Variants in MMP16 observed in about 807,000 individuals in gnomAD.
MMP16 encodes matrix metallopeptidase 16, also known as matrix metalloproteinase-16.
A neutral mutation model predicts 67.8 loss-of-function variants in MMP16; 12 were observed. That is an observed-to-expected ratio of 0.18 (90% CI 0.11 to 0.29). The LOEUF is 0.29. Ranked by LOEUF, MMP16 falls within the 10% of genes least tolerant of loss-of-function variation. MMP16 has a pLI of 1.00. For synonymous variants in MMP16, 249 were observed against 255.9 expected, an observed-to-expected ratio of 0.97 and a Z score of 0.26; for missense variants, 475 against 765.7, an observed-to-expected ratio of 0.62 and a Z score of 4.48.
At chr8:88,299,865 A>G (rs1796457224) in intron 1 of MMP16, among the ~76,000 whole-genome samples, 1 of 152,204 alleles carries the variant, frequency 6.6e-6, no homozygotes, top group South Asian at 2.1e-4. Flanking sequence ...TATTTCCTAT[A>G]CTAATTTCAT....
At chr8:88,147,472 TCTAGGA>T (rs1808313078) in intron 4 of MMP16, among the ~76,000 whole-genome samples, 1 of 152,106 alleles carries the variant, frequency 6.6e-6, no homozygotes, top group African/African-American at 2.4e-5. Flanking sequence ...TAAGTTTTTT[TCTAGGA>T]ATCTTTTCTT....
At position 88,041,710 on chromosome 8, in the gene MMP16, G is replaced by A; in HGVS notation, c.1575C>T (p.Ile525=). The A allele has an allele frequency of 6.2e-7, 1 of 1,613,966 alleles. No homozygotes were observed. Among genetic ancestry groups the A allele is most frequent in the South Asian group, 1.1e-5 (1 of 91,080 alleles). The change falls in exon 10 of 10, where the codon ATC becomes ATT. Residue 525 remains isoleucine (I), a synonymous_variant. Coordinates refer to ENST00000286614, the MANE Select transcript of MMP16 (RefSeq NM_005941.5). This position sits in a 1 kb window ranked among gnomAD's most constrained non-coding sequence, Gnocchi z 6.0. ...CATCACAGCCCATAAAATCCTTGAG[G>A]ATGGATCTTGGATATCCAGGTTCTA... ...LKVEPGYPRS[I]LKDFMGCDGP...
chr8:88,254,749 T>C (rs1006513902), intron 1 of MMP16, among the ~76,000 whole-genome samples: 4 of 151,978 alleles, frequency 2.6e-5, no homozygotes, highest in Non-Finnish European at 4.4e-5. Context: ...AAAGGAGACA[T>C]GACAACAAAA....
rs1452991052 is a variant in MMP16, at chr8:88,040,726, T to C, written c.*735A>G. 6.6e-6 allele frequency: 1 copy of C among 152,616 alleles called. No homozygotes were observed. Among genetic ancestry groups the C allele is most frequent in the Admixed American group, 6.6e-5 (1 of 15,266 alleles). 9.5% of individuals were successfully genotyped at this position (152,616 alleles called of 1,614,324 possible). On this transcript the variant is annotated 3_prime_UTR_variant, in exon 10 of 10. Transcript: ENST00000286614. Reference sequence around the variant, plus strand: ...TAAATGCGATGAAACACTGAGGACATAGCTGAGAACAGCTGTATAAAACGA... The same window carrying C: ...TAAATGCGATGAAACACTGAGGACACAGCTGAGAACAGCTGTATAAAACGA...
chr8:88,209,239 C>T (rs1198617837), intron 1 of MMP16, among the ~76,000 whole-genome samples: 1 of 152,048 alleles, frequency 6.6e-6, no homozygotes, highest in Non-Finnish European at 1.5e-5. Flanking sequence ...CCTCTGCCAC[C>T]CTTGAAAACA....
At chr8:88,184,886 G>A (rs1310260696) in intron 3 of MMP16, among the ~76,000 whole-genome samples, 1 of 151,648 alleles carries the variant, frequency 6.6e-6, no homozygotes, top group Non-Finnish European at 1.5e-5. Context: ...ACAGTTATTG[G>A]GAAAATAACT....
At chr8:88,245,567 A>G (rs1810101534) in intron 1 of MMP16, among the ~76,000 whole-genome samples, 1 of 152,182 alleles carries the variant, frequency 6.6e-6, no homozygotes, top group South Asian at 2.1e-4. Context: ...TGAACACAAG[A>G]GGAATATGGA....
At chr8:88,209,128 A>G (rs1056407680) in intron 1 of MMP16, among the ~76,000 whole-genome samples, 65 of 152,154 alleles carry the variant, frequency 4.3e-4, no homozygotes, top group Non-Finnish European at 1.2e-4. Context: ...GATACCATAT[A>G]AACACATTTT....
chr8:88,120,210 A>T (rs1807798514), intron 4 of MMP16, among the ~76,000 whole-genome samples: 1 of 151,964 alleles, frequency 6.6e-6, no homozygotes, highest in Admixed American at 6.6e-5. Context: ...AGGAAGGAGG[A>T]AGTTATTCAT....
intron 1 of MMP16, among the ~76,000 whole-genome samples, chr8:88,242,495 C>G (rs893999413): frequency 5.9e-5 from 9 of 152,118 alleles, no homozygotes; most frequent in Admixed American, 1.3e-4. Flanking sequence ...TGTGTGAACA[C>G]AGCAATATAA....
chr8:88,314,469 A>G (rs978722427), intron 1 of MMP16, among the ~76,000 whole-genome samples: 8 of 152,166 alleles, frequency 5.3e-5, no homozygotes, highest in Non-Finnish European at 1.2e-4. Flanking sequence ...GTATTTCTGT[A>G]TTCCAACAAA....
chr8:88,315,100 C>G (rs1044246359), intron 1 of MMP16, among the ~76,000 whole-genome samples: 3 of 152,154 alleles, frequency 2.0e-5, no homozygotes, highest in Non-Finnish European at 4.4e-5. Flanking sequence ...AACATTTTGT[C>G]CATTTTTTGG....
At chr8:88,159,763 T>C (rs1464878760) in intron 4 of MMP16, among the ~76,000 whole-genome samples, 1 of 152,110 alleles carries the variant, frequency 6.6e-6, no homozygotes, top group Admixed American at 6.6e-5. Flanking sequence ...AGGTTGGCTG[T>C]GGGTTTCTCA....
At chr8:88,291,475 C>A (rs556203138) in intron 1 of MMP16, among the ~76,000 whole-genome samples, 1 of 152,256 alleles carries the variant, frequency 6.6e-6, no homozygotes, top group South Asian at 2.1e-4. Context: ...TAGAAAGATC[C>A]TTCCTATTCC....
At chr8:88,182,718 A>G (rs1318306507) in intron 3 of MMP16, among the ~76,000 whole-genome samples, 1 of 152,168 alleles carries the variant, frequency 6.6e-6, no homozygotes, top group East Asian at 1.9e-4. Context: ...ATTTATCCAA[A>G]TGAGTTAAAA....
At chr8:88,199,705 A>T (rs974621132) in intron 1 of MMP16, among the ~76,000 whole-genome samples, 1 of 152,000 alleles carries the variant, frequency 6.6e-6, no homozygotes, top group Non-Finnish European at 1.5e-5. Flanking sequence ...AGATATAAAT[A>T]TATATGTGAG....
chr8:88,148,885 G>C (rs539937132), intron 4 of MMP16, among the ~76,000 whole-genome samples: 14 of 152,284 alleles, frequency 9.2e-5, no homozygotes, highest in African/African-American at 2.4e-4. Context: ...GAACAGCTCC[G>C]GTCTACAGCT....
chr8:88,131,294 C>A (rs1014440723), intron 4 of MMP16, among the ~76,000 whole-genome samples: 1 of 151,288 alleles, frequency 6.6e-6, no homozygotes, highest in Admixed American at 6.6e-5. Context: ...CACACACACA[C>A]AATCTTCCAT....
chr8:88,208,580 A>G (rs1809464657), intron 1 of MMP16, among the ~76,000 whole-genome samples: 2 of 152,148 alleles, frequency 1.3e-5, no homozygotes, highest in Admixed American at 6.6e-5. Context: ...CTCATTACAC[A>G]TGGTACTCTA....
Sources: allele counts gnomAD v4.1 joint callset (sites outside exome capture counted in the v4.1 genomes callset), GRCh38; gene constraint gnomAD v4.1.1; non-coding constraint Gnocchi (gnomAD v3.1); transcripts MANE v1.5; gene names NCBI Gene and HGNC (gene_info 2026-07-23, HGNC 2026-07-21).